The following ZMYM4 variants were observed in gnomAD, a reference collection of about 807,000 sequenced individuals.
ZMYM4 encodes zinc finger MYM-type containing 4, also known as zinc finger MYM-type protein 4.
ZMYM4 carries 31 observed loss-of-function variants against 183.2 expected under a neutral mutation model. That is an observed-to-expected ratio of 0.17 (90% confidence interval 0.13 to 0.23). ZMYM4 has a LOEUF of 0.23. Ranked by LOEUF, ZMYM4 falls within the 10% of genes least tolerant of loss-of-function variation. The pLI is 1.00. For synonymous variants in ZMYM4, 592 were observed against 631.2 expected, an observed-to-expected ratio of 0.94 and a Z score of 0.93; for missense variants, 1,273 against 1,840.3, an observed-to-expected ratio of 0.69 and a Z score of 5.64.
chr1:35,407,859 C>A, intron 25 of ZMYM4, 149 bp from the exon 26 acceptor site: 1 of 971,130 alleles, frequency 1.0e-6, no homozygotes, highest in Non-Finnish European at 1.5e-6. Context: ...CTGAAGTAGA[C>A]TTGAGATCAG....
At chr1:35,299,552 C>A (rs190483230) in intron 1 of ZMYM4, among the ~76,000 whole-genome samples, 1 of 152,280 alleles carries the variant, frequency 6.6e-6, no homozygotes, top group East Asian at 1.9e-4. Context: ...AGTTAAGTTA[C>A]AAAAGTTATA....
intron 1 of ZMYM4, among the ~76,000 whole-genome samples, chr1:35,305,130 GACTGCGCCCAGCCCACAAGT>G (rs1641476052): frequency 6.6e-6 from 1 of 151,992 alleles, no homozygotes; most frequent in African/African-American, 2.4e-5. Flanking sequence ...AGGCGTGAGC[GACTGCGCCCAGCCCACAAGT>G]AAACTTTAAA....
At chr1:35,417,775 C>T (rs1003655625) in intron 28 of ZMYM4, among the ~76,000 whole-genome samples, 5 of 151,968 alleles carry the variant, frequency 3.3e-5, no homozygotes, top group East Asian at 1.9e-4. Flanking sequence ...TTTGGGAGGC[C>T]GAGGTGGGCT....
chr1:35,419,757 A>C lies in ZMYM4; in HGVS notation c.*80A>C. On this transcript the variant is annotated 3_prime_UTR_variant, in exon 30 of 30. Coordinates refer to ENST00000314607, the MANE Select transcript of ZMYM4 (RefSeq NM_005095.3). Reference sequence around the variant, plus strand: ...GCATCCAGCTGTTGGAAAATGATGTATAAGTCTAAGTCCTCTTGACTTGAC... The same window carrying C: ...GCATCCAGCTGTTGGAAAATGATGTCTAAGTCTAAGTCCTCTTGACTTGAC... 1 of 1,438,480 alleles carries C rather than the reference A, an allele frequency of 7.0e-7. No homozygotes were observed. The highest frequency in any genetic ancestry group is 9.6e-7 in the Non-Finnish European group (1 of 1,039,244). The allele number at this position is 1,438,480 out of a possible 1,614,324, so 89.1% of individuals were successfully genotyped here.
chr1:35,371,725 ACTC>A (rs1403674047), intron 7 of ZMYM4, among the ~76,000 whole-genome samples: 1 of 152,056 alleles, frequency 6.6e-6, no homozygotes, highest in African/African-American at 2.4e-5. Context: ...AGAAAAAGAT[ACTC>A]CTCCTCCTAG....
At chr1:35,289,962 T>C (rs942907012) in intron 1 of ZMYM4, among the ~76,000 whole-genome samples, 8 of 151,884 alleles carry the variant, frequency 5.3e-5, no homozygotes, top group African/African-American at 1.5e-4. Context: ...TCTTTTCTTT[T>C]TTTTCTTTTC....
intron 4 of ZMYM4, 103 bp downstream of exon 4, chr1:35,361,358 A>ATT (rs370667098): frequency 1.2e-4 from 116 of 939,676 alleles, no homozygotes; most frequent in African/African-American, 2.8e-4. Context: ...TAGAGCACTG[A>ATT]TTTTTTTTTT....
At position 35,306,492 on chromosome 1, in the gene ZMYM4, C is replaced by T. The variant is rs1443462319; in HGVS notation, c.40-18868C>T. ...TGTGGGAGCCCCTCTAACCTACCTT[C>T]TTTTTGTTTCATTTTATTTTTTAAA... On this transcript the variant is annotated intron_variant, in intron 1 of 29. Transcript: ENST00000314607. 9.2e-5 allele frequency among the ~76,000 whole-genome samples: 14 copies of T among 152,230 alleles called. No homozygotes were observed. The East Asian group carries it at 2.5e-3, about 27-fold the overall frequency.
chr1:35,343,470 C>A (rs760484168), intron 2 of ZMYM4, among the ~76,000 whole-genome samples: 51 of 151,752 alleles, frequency 3.4e-4, no homozygotes, highest in Non-Finnish European at 6.0e-4. Flanking sequence ...GTCATTTGAC[C>A]AATGTTTTTG....
chr1:35,298,844 A>G (rs548265929), intron 1 of ZMYM4, among the ~76,000 whole-genome samples: 8 of 152,270 alleles, frequency 5.3e-5, no homozygotes, highest in East Asian at 1.9e-4. Context: ...GAGGCAATCC[A>G]TTTGTAACTG....
At chr1:35,318,230 G>A (rs1354537334) in intron 1 of ZMYM4, among the ~76,000 whole-genome samples, 2 of 151,288 alleles carry the variant, frequency 1.3e-5, no homozygotes, top group African/African-American at 4.9e-5. Context: ...GGCAATTTTT[G>A]TATTTTTAGT....
At chr1:35,387,766 A>T (rs1570499150) in intron 13 of ZMYM4, among the ~76,000 whole-genome samples, 162 bp downstream of exon 13, 1 of 152,200 alleles carries the variant, frequency 6.6e-6, no homozygotes, top group Non-Finnish European at 1.5e-5. Context: ...TTTTTGATCT[A>T]GTTTTCTTAT....
intron 1 of ZMYM4, among the ~76,000 whole-genome samples, chr1:35,282,350 A>G (rs1640217125): frequency 6.6e-6 from 1 of 152,208 alleles, no homozygotes; most frequent in African/African-American, 2.4e-5. Flanking sequence ...GGTGCAGCAC[A>G]TAGCCCTCAC....
At chr1:35,370,175 T>A in intron 6 of ZMYM4, 62 bp downstream of exon 6, 1 of 1,576,918 alleles carries the variant, frequency 6.3e-7, no homozygotes, top group South Asian at 1.2e-5. Context: ...TGAGAAGAAA[T>A]TCTGCTTGTA....
Position 35,358,931 on chromosome 1 carries a change from G to T in ZMYM4, c.92G>T (p.Gly31Val). ...VFDEIVENCG[G>V]IMDTEMSEDI... ...CAGTATTTTACTTTTTAAGGTGGTG[G>T]TATCATGGATACAGAAATGTCTGAA... The change falls in exon 3 of 30, where the codon GGT becomes GTT. Residue 31 changes from glycine (G) to valine (V), a missense_variant. Coordinates refer to ENST00000314607, the MANE Select transcript of ZMYM4 (RefSeq NM_005095.3). The T allele has an allele frequency of 6.2e-7, 1 of 1,609,940 alleles. No homozygotes were observed. Among genetic ancestry groups the T allele is most frequent in the Non-Finnish European group, 8.5e-7 (1 of 1,177,352 alleles).
At chr1:35,310,934 A>C (rs1302549242) in intron 1 of ZMYM4, among the ~76,000 whole-genome samples, 1 of 151,862 alleles carries the variant, frequency 6.6e-6, no homozygotes, top group East Asian at 1.9e-4. Flanking sequence ...TCCTTTTTTG[A>C]CATTTGGTGC....
chr1:35,298,040 T>G (rs1022116681), intron 1 of ZMYM4, among the ~76,000 whole-genome samples: 2 of 152,236 alleles, frequency 1.3e-5, no homozygotes, highest in African/African-American at 4.8e-5. Context: ...CCTCTAGGTC[T>G]GAGGCAAAGT....
chr1:35,350,567 G>A (rs565647714), intron 2 of ZMYM4, among the ~76,000 whole-genome samples: 2 of 151,816 alleles, frequency 1.3e-5, no homozygotes, highest in South Asian at 4.2e-4. Flanking sequence ...GATTACAGGC[G>A]TGAGCCACCA....
At chr1:35,358,772 C>A in intron 2 of ZMYM4, 153 bp from the exon 3 acceptor site, 1 of 645,536 alleles carries the variant, frequency 1.5e-6, no homozygotes, top group Non-Finnish European at 2.5e-6. Flanking sequence ...ATAGTTATAT[C>A]TGTCACACCT....
Sources: allele counts gnomAD v4.1 joint callset (sites outside exome capture counted in the v4.1 genomes callset), GRCh38; gene constraint gnomAD v4.1.1; transcripts MANE v1.5; gene names NCBI Gene and HGNC (gene_info 2026-07-23, HGNC 2026-07-21).